Variants in USH2A observed in about 807,000 individuals in gnomAD.
USH2A encodes Usher syndrome 2A (autosomal recessive, mild).
Under a neutral mutation model 538.9 loss-of-function variants are expected in USH2A, and 443 were observed. The observed-to-expected ratio is 0.82, with a 90% CI of 0.76 to 0.89. The LOEUF is 0.89. USH2A is among the 40% of genes least tolerant of loss of function. USH2A has a pLI of 0.00. For missense variants in USH2A, 6,633 were observed against 6,324.8 expected, an observed-to-expected ratio of 1.05 and a Z score of -1.65; for synonymous variants, 2,413 against 2,273.5, an observed-to-expected ratio of 1.06 and a Z score of -1.75.
intron 50 of USH2A, among the ~76,000 whole-genome samples, chr1:215,797,018 G>A (rs1662160119): frequency 6.6e-6 from 1 of 152,100 alleles, no homozygotes; most frequent in Admixed American, 6.6e-5. Context: ...CGTGGTCCAG[G>A]TAAGATTTCT....
intron 1 of USH2A, 44 bp from the exon 2 acceptor site, chr1:216,422,584 C>T (rs984027392): frequency 2.1e-4 from 105 of 490,430 alleles, no homozygotes; most frequent in Non-Finnish European, 3.3e-4. Context: ...GCTGCTGCAC[C>T]TTTAAAACTG....
intron 15 of USH2A, among the ~76,000 whole-genome samples, chr1:216,215,415 T>A (rs1054110550): frequency 6.6e-6 from 1 of 152,118 alleles, no homozygotes; most frequent in Non-Finnish European, 1.5e-5. Context: ...TTGTTCTGGC[T>A]GGCTTCTGCT....
chr1:215,857,683 T>A (rs1044621978), intron 44 of USH2A, among the ~76,000 whole-genome samples: 1 of 152,168 alleles, frequency 6.6e-6, no homozygotes, highest in African/African-American at 2.4e-5. Context: ...CCCTCTGACA[T>A]CAAGCAGTGA....
At chr1:216,155,497 C>T (rs535661513) in intron 21 of USH2A, among the ~76,000 whole-genome samples, 7 of 152,194 alleles carry the variant, frequency 4.6e-5, no homozygotes, top group Admixed American at 3.3e-4. Context: ...TCCTGTTGCC[C>T]CACCCAGAGA....
At chr1:215,959,632 A>G (rs76920138) in intron 37 of USH2A, among the ~76,000 whole-genome samples, 6,334 of 152,176 alleles carry the variant, frequency 0.042, 149 homozygotes, top group Middle Eastern at 0.075. Context: ...GCTAATGCTT[A>G]AGGATCATTT....
intron 38 of USH2A, 86 bp from the exon 39 acceptor site, chr1:215,900,991 A>C (rs1054551894): frequency 2.0e-5 from 31 of 1,541,862 alleles, no homozygotes; most frequent in Non-Finnish European, 2.8e-5. Context: ...TATACTGGAA[A>C]AACTGTTCCT....
intron 37 of USH2A, 113 bp from the exon 38 acceptor site, chr1:215,934,908 T>A (rs1222251902): frequency 1.0e-6 from 1 of 996,646 alleles, no homozygotes; most frequent in Non-Finnish European, 1.5e-6. Context: ...GGTCTGTAAC[T>A]TTACCACTCT....
chr1:216,088,960 T>C, intron 23 of USH2A, 53 bp downstream of exon 23: 2 of 1,608,048 alleles, frequency 1.2e-6, no homozygotes. Context: ...CAGAAAAGTA[T>C]GGCAACACCA....
intron 37 of USH2A, among the ~76,000 whole-genome samples, chr1:215,957,415 G>T (rs2764946): frequency 0.84 from 128,096 of 152,214 alleles, 54,107 homozygotes; most frequent in East Asian, 0.98. Context: ...TGTAATGTCA[G>T]AAGACATAGT....
chr1:215,680,167 T>C lies in USH2A; in HGVS notation c.12276A>G (p.Arg4092=). 2 of 1,614,128 alleles carry C rather than the reference T, an allele frequency of 1.2e-6. No homozygotes were observed. The highest frequency in any genetic ancestry group is 2.2e-5 in the South Asian group (2 of 91,084). ...ALLLQWSEPM[R]TNGVIKTYNI... ...ACATTACCTTAATCACACCATTGGT[T>C]CTCATAGGTTCTGACCACTGTAGTA... Residue 4092 remains arginine (R), a synonymous_variant, in exon 62 of 72, where the codon AGA becomes AGG. Transcript: ENST00000307340.
intron 4 of USH2A, among the ~76,000 whole-genome samples, chr1:216,352,645 A>G (rs985856566): frequency 6.6e-6 from 1 of 152,152 alleles, no homozygotes; most frequent in Non-Finnish European, 1.5e-5. Context: ...ATAATTTTTC[A>G]TGGAAAAATA....
At chr1:216,174,296 A>T in intron 21 of USH2A, 1 of 976,454 alleles carries the variant, frequency 1.0e-6, no homozygotes, top group Non-Finnish European at 1.2e-6. Context: ...GAGTTTACAT[A>T]ATAATATATA....
rs572798516 is a variant in USH2A, at chr1:216,372,626, A to G, written c.652-7541T>C. Among the ~76,000 whole-genome samples, 3 of 152,200 alleles carry G rather than the reference A, an allele frequency of 2.0e-5. No homozygotes were observed. In the East Asian group the frequency reaches 5.8e-4, roughly 29 times the overall value. On this transcript the variant is annotated intron_variant, in intron 3 of 71. Transcript: ENST00000307340. ...GAAACTCTCATGGCCTCTTCTTCCT[A>G]CACATTTAGATTACTCTCTTCTCTC...
chr1:216,020,036 C>T lies in USH2A; in HGVS notation c.6326-19474G>A, dbSNP rs1030312703. On this transcript the variant is annotated intron_variant, in intron 32 of 71. Transcript: ENST00000307340. The stretch of plus-strand genomic sequence containing the variant: ...TGGATTGTCTATCTTTGAATCATTT[C>T]TGTAGAATGATGAGCTTTTCTCTTT... Among the ~76,000 whole-genome samples, 3 of 152,212 alleles carry T rather than the reference C, an allele frequency of 2.0e-5. No individual in the cohort carries two copies. The South Asian group carries it at 6.2e-4, about 32-fold the overall frequency.
At chr1:215,910,808 T>C (rs1665763116) in intron 38 of USH2A, among the ~76,000 whole-genome samples, 1 of 151,922 alleles carries the variant, frequency 6.6e-6, no homozygotes, top group East Asian at 1.9e-4. Flanking sequence ...GCACTGTACA[T>C]TCAGATTTAT....
At chr1:215,880,402 T>C (rs1428021156) in intron 41 of USH2A, among the ~76,000 whole-genome samples, 1 of 152,172 alleles carries the variant, frequency 6.6e-6, no homozygotes, top group Admixed American at 6.5e-5. Flanking sequence ...AATGGGCCAA[T>C]ATCTACCAAA....
chr1:216,355,389 T>C (rs1348047186), intron 4 of USH2A, among the ~76,000 whole-genome samples: 1 of 131,616 alleles, frequency 7.6e-6, no homozygotes, highest in South Asian at 2.4e-4. Flanking sequence ...GAAAGAAACA[T>C]ATAGTATACA....
chr1:216,365,372 T>C (rs2038576802), intron 3 of USH2A, among the ~76,000 whole-genome samples: 1 of 152,222 alleles, frequency 6.6e-6, no homozygotes, highest in Non-Finnish European at 1.5e-5. Context: ...TTTTACAGGG[T>C]TTTTGAGGAT....
At chr1:215,632,094 G>A (rs61830037) in intron 70 of USH2A, among the ~76,000 whole-genome samples, 12 of 151,806 alleles carry the variant, frequency 7.9e-5, no homozygotes, top group South Asian at 2.1e-4. Context: ...ACGGAGTCTC[G>A]CTCTGTTGTC....
Sources: gnomAD v4.1 joint callset for allele counts (sites outside exome capture counted in the v4.1 genomes callset) on GRCh38, gnomAD v4.1.1 for gene constraint, MANE v1.5 for transcripts, NCBI Gene and HGNC (gene_info 2026-07-23, HGNC 2026-07-21) for gene names.